Variants in OR1F1 observed in about 807,000 individuals in gnomAD.
OR1F1 encodes olfactory receptor 1F1.
For synonymous variants in OR1F1, 184 were observed against 156.7 expected, an observed-to-expected ratio of 1.17 and a Z score of -1.30; for missense variants, 493 against 376.3, an observed-to-expected ratio of 1.31 and a Z score of -2.57.
At chr16:3,197,350 A>G in the OR1F1 span, among the ~76,000 whole-genome samples, 1 of 152,146 alleles carries the variant, frequency 6.6e-6, no homozygotes, top group African/African-American at 2.4e-5. Context: ...ATTTTATTTG[A>G]ACAAATGTTT....
chr16:3,196,212 C>A, the OR1F1 span, among the ~76,000 whole-genome samples: 1 of 152,168 alleles, frequency 6.6e-6, no homozygotes, highest in Non-Finnish European at 1.5e-5. Flanking sequence ...TGGGTTTGAG[C>A]CCTGTGTTGA....
chr16:3,200,863 C>T (rs907430240), upstream of OR1F1, among the ~76,000 whole-genome samples: 11 of 152,170 alleles, frequency 7.2e-5, no homozygotes, highest in Non-Finnish European at 1.6e-4. Flanking sequence ...TGTGACCCAC[C>T]ATGCCTGACC....
exon 1 of OR1F1, chr16:3,205,171 G>C (rs765251088): frequency 6.2e-7 from 1 of 1,607,212 alleles, no homozygotes; most frequent in Admixed American, 1.7e-5. Flanking sequence ...TGGCAGGGTG[G>C]TGTTTTCTGT....
At chr16:3,197,265 T>A in the OR1F1 span, among the ~76,000 whole-genome samples, 5 of 151,838 alleles carry the variant, frequency 3.3e-5, no homozygotes, top group Non-Finnish European at 5.9e-5. Context: ...GTGGTCCACC[T>A]GCCTCGGCCT....
chr16:3,204,365 T>C, exon 1 of OR1F1: 1 of 1,614,096 alleles, frequency 6.2e-7, no homozygotes, highest in Non-Finnish European at 8.5e-7. Flanking sequence ...GCCACTGTCC[T>C]GGGGAACCTG....
At chr16:3,205,035 G>T (rs781698836) in exon 1 of OR1F1, 15 of 1,613,904 alleles carry the variant, frequency 9.3e-6, no homozygotes, top group Admixed American at 1.7e-5. Context: ...TTAACCCTCT[G>T]TCCTCCCACT....
upstream of OR1F1, among the ~76,000 whole-genome samples, chr16:3,200,381 C>A (rs140270788): frequency 1.8e-4 from 28 of 152,184 alleles, no homozygotes; most frequent in African/African-American, 5.5e-4. Flanking sequence ...CCGAGAGGGG[C>A]GGATCACTTG....
the OR1F1 span, among the ~76,000 whole-genome samples, chr16:3,189,187 G>A: frequency 2.6e-5 from 4 of 152,230 alleles, no homozygotes; most frequent in Non-Finnish European, 4.4e-5. Flanking sequence ...GGTGTCTCGT[G>A]CACTCCGTCA....
the OR1F1 span, among the ~76,000 whole-genome samples, chr16:3,188,824 C>T: frequency 3.9e-5 from 6 of 152,208 alleles, no homozygotes; most frequent in African/African-American, 1.4e-4. Context: ...ATGCCCGACG[C>T]CTGCTGCCCC....
chr16:3,192,754 C>G, the OR1F1 span, among the ~76,000 whole-genome samples: 1 of 151,974 alleles, frequency 6.6e-6, no homozygotes, highest in Non-Finnish European at 1.5e-5. Context: ...GTGTCCCGGA[C>G]GTTGGCCCAG....
chr16:3,202,839 T>C (rs1958150592), upstream of OR1F1, among the ~76,000 whole-genome samples: 1 of 152,138 alleles, frequency 6.6e-6, no homozygotes, highest in Non-Finnish European at 1.5e-5. Flanking sequence ...TGAATATTAT[T>C]TCTCCACTCT....
chr16:3,204,279 G>T (rs1446050859), exon 1 of OR1F1: 2 of 1,612,272 alleles, frequency 1.2e-6, no homozygotes, highest in Non-Finnish European at 1.7e-6. Flanking sequence ...GTGTCTCCGA[G>T]TTCCTCCTCC....
At chr16:3,204,114 G>A, upstream of OR1F1, 2 of 661,584 alleles carry the variant, frequency 3.0e-6, no homozygotes, top group Non-Finnish European at 5.2e-6. Context: ...GCCCCAGCAG[G>A]GTTGACAATA....
upstream of OR1F1, among the ~76,000 whole-genome samples, chr16:3,200,264 C>T (rs9936299): frequency 0.28 from 41,841 of 151,928 alleles, 6,413 homozygotes; most frequent in African/African-American, 0.42. Flanking sequence ...ATAGGTTGCA[C>T]GTCTCGTTAG....
chr16:3,190,704 T>C, the OR1F1 span, among the ~76,000 whole-genome samples: 3 of 133,260 alleles, frequency 2.3e-5, no homozygotes, highest in Non-Finnish European at 4.6e-5. Context: ...TGAGCTGAAA[T>C]GGCGCCAGTG....
At chr16:3,192,054 C>G in the OR1F1 span, among the ~76,000 whole-genome samples, 96 of 152,146 alleles carry the variant, frequency 6.3e-4, no homozygotes, top group African/African-American at 2.0e-3. Context: ...AAATCCCGGA[C>G]GAGCCCCTCT....
upstream of OR1F1, among the ~76,000 whole-genome samples, chr16:3,200,234 G>C (rs1261795447): frequency 6.6e-6 from 1 of 152,126 alleles, no homozygotes; most frequent in Non-Finnish European, 1.5e-5. Flanking sequence ...CACAAGTGCT[G>C]TAGCTGTGAA....
At chr16:3,201,088 ATCTGGC>A (rs1429464598), upstream of OR1F1, among the ~76,000 whole-genome samples, 1 of 152,176 alleles carries the variant, frequency 6.6e-6, no homozygotes, top group Non-Finnish European at 1.5e-5. Flanking sequence ...GTTCTTTTGT[ATCTGGC>A]TTCTTTCACT....
At chr16:3,189,373 C>T in the OR1F1 span, among the ~76,000 whole-genome samples, 3 of 152,206 alleles carry the variant, frequency 2.0e-5, no homozygotes, top group Non-Finnish European at 4.4e-5. Flanking sequence ...GCCGAATCCC[C>T]AACTCAAGGC....
Sources: gnomAD v4.1 joint callset for allele counts (sites outside exome capture counted in the v4.1 genomes callset) on GRCh38, gnomAD v4.1.1 for gene constraint, MANE v1.5 for transcripts, NCBI Gene and HGNC (gene_info 2026-07-23, HGNC 2026-07-21) for gene names.